AK9: variants seen among roughly 807,000 people sequenced by gnomAD.
The protein encoded by AK9 is adenylate kinase 9, also known as adenylate kinase domain containing 1.
AK9 carries 191 observed loss-of-function variants against 239.6 expected under a neutral mutation model. The ratio of observed to expected loss-of-function variants is 0.80; its 90% CI spans 0.71 to 0.90. The LOEUF is 0.90. AK9 is among the 40% of genes least tolerant of loss of function. The pLI is 0.00. For synonymous variants in AK9, 689 were observed against 721.0 expected, an observed-to-expected ratio of 0.96 and a Z score of 0.71; for missense variants, 1,995 against 2,214.7, an observed-to-expected ratio of 0.90 and a Z score of 1.99.
At chr6:109,552,510 A>AGT (rs1299174714) in intron 24 of AK9, among the ~76,000 whole-genome samples, 22 of 152,308 alleles carry the variant, frequency 1.4e-4, no homozygotes, top group Non-Finnish European at 4.4e-5. Context: ...TCTTTTGAGA[A>AGT]GTGTCTGTTC....
chr6:109,580,759 C>T (rs1788738895), intron 19 of AK9, among the ~76,000 whole-genome samples: 1 of 152,202 alleles, frequency 6.6e-6, no homozygotes, highest in African/African-American at 2.4e-5. Flanking sequence ...TTCAAGTTCT[C>T]TTTGCTCGTG....
intron 7 of AK9, among the ~76,000 whole-genome samples, chr6:109,658,388 GC>G (rs1472699974): frequency 1.3e-5 from 2 of 152,136 alleles, no homozygotes; most frequent in East Asian, 3.8e-4. Flanking sequence ...ATTCAGTGGG[GC>G]AGACAGATAA....
chr6:109,579,702 T>C (rs1788576101), intron 19 of AK9, 76 bp from the exon 20 acceptor site: 12 of 1,234,208 alleles, frequency 9.7e-6, no homozygotes, highest in Non-Finnish European at 5.6e-6. Context: ...TAAATGCTTA[T>C]AGTGTTAAAA....
intron 12 of AK9, among the ~76,000 whole-genome samples, chr6:109,623,057 C>T (rs945467666): frequency 7.9e-5 from 12 of 152,036 alleles, no homozygotes; most frequent in African/African-American, 2.9e-4. Flanking sequence ...AGGTGGTATC[C>T]TTTTGCTAAT....
At chr6:109,541,779 G>A (rs1348690152) in intron 27 of AK9, among the ~76,000 whole-genome samples, 3 of 152,304 alleles carry the variant, frequency 2.0e-5, no homozygotes, top group Middle Eastern at 3.4e-3. Context: ...TACCACAAAT[G>A]CACTTTAGAA....
chr6:109,549,659 A>ATTTTTTTTTTT (rs1562391021), intron 25 of AK9: 7 of 110,320 alleles, frequency 6.3e-5, no homozygotes, highest in Non-Finnish European at 7.4e-5. Flanking sequence ...GAACTTAGAT[A>ATTTTTTTTTTT]TTTTCTTTTT....
chr6:109,597,899 C>T (rs1426383351), intron 17 of AK9, among the ~76,000 whole-genome samples: 1 of 152,070 alleles, frequency 6.6e-6, no homozygotes, highest in Non-Finnish European at 1.5e-5. Flanking sequence ...AGTGCCTAAA[C>T]ATTTTCAATG....
rs919655852 is a variant in AK9 at position 109,533,291 on chromosome 6, T to C, written c.3530A>G (p.Glu1177Gly). 6.2e-7 allele frequency: 1 copy of C among 1,611,392 alleles called. No individual in the cohort carries two copies. Among genetic ancestry groups the C allele is most frequent in the Non-Finnish European group, 8.5e-7 (1 of 1,179,180 alleles). Residue 1177 changes from glutamate (E) to glycine (G), a missense_variant, in exon 28 of 41, where the codon GAA becomes GGA. Glu to Gly is a moderately conservative substitution (Grantham distance 98, BLOSUM62 -2). Around this residue, in one of 5 missense-constraint regions of AK9, gnomAD observed 1,290 missense variants for 1,392.7 expected, o/e 0.93. Transcript: ENST00000424296. ...KWKLKQKKKL[E>G]RKKLIKDMKA... ...CATGTCTTTGATCAGTTTCTTCCTT[T>C]CTAATTTCTTCTTTTGTTTTAGTTT...
chr6:109,677,857 T>C (rs935916245), intron 1 of AK9, among the ~76,000 whole-genome samples: 2 of 152,150 alleles, frequency 1.3e-5, no homozygotes, highest in African/African-American at 4.8e-5. Flanking sequence ...GCAATTAAAA[T>C]AATAATCAGA....
At chr6:109,566,265 G>A (rs979439959) in intron 21 of AK9, among the ~76,000 whole-genome samples, 1 of 152,102 alleles carries the variant, frequency 6.6e-6, no homozygotes, top group Non-Finnish European at 1.5e-5. Flanking sequence ...GGGGGACAGA[G>A]TTCTTATAAA....
chr6:109,601,431 G>A (rs998167831), intron 17 of AK9, among the ~76,000 whole-genome samples: 15 of 152,154 alleles, frequency 9.9e-5, no homozygotes, highest in Non-Finnish European at 1.5e-4. Context: ...ATTGCACTGT[G>A]GTCTGAGAGA....
chr6:109,611,975 T>TC, intron 16 of AK9, 35 bp downstream of exon 16: 1 of 1,380,216 alleles, frequency 7.2e-7, no homozygotes, highest in South Asian at 1.3e-5. Flanking sequence ...AGAACCACAA[T>TC]CTAAAAGAAT....
chr6:109,683,788 T>C (rs376361331), intron 1 of AK9, among the ~76,000 whole-genome samples: 1 of 152,294 alleles, frequency 6.6e-6, no homozygotes, highest in East Asian at 1.9e-4. Flanking sequence ...TGCTCATGGA[T>C]AGGAAGAATC....
At chr6:109,539,267 C>T (rs532737365) in intron 27 of AK9, among the ~76,000 whole-genome samples, 1 of 152,214 alleles carries the variant, frequency 6.6e-6, no homozygotes, top group South Asian at 2.1e-4. Context: ...GGTCTTTTCA[C>T]ATAGTCCCAT....
chr6:109,548,856 A>G (rs867985139), intron 25 of AK9, among the ~76,000 whole-genome samples: 2 of 152,302 alleles, frequency 1.3e-5, no homozygotes, highest in Non-Finnish European at 2.9e-5. Context: ...TATCAGTATG[A>G]TCCTGAAGAC....
chr6:109,514,666 C>T (rs1388107871), intron 31 of AK9, among the ~76,000 whole-genome samples: 1 of 152,094 alleles, frequency 6.6e-6, no homozygotes, highest in Non-Finnish European at 1.5e-5. Flanking sequence ...CAGTTTATGA[C>T]AATTATAGTC....
At position 109,542,041 on chromosome 6, in the gene AK9, A is replaced by C. The variant is rs2128149207; in HGVS notation, c.3350+6T>G. 1 of 1,563,618 alleles carries C rather than the reference A, an allele frequency of 6.4e-7. No homozygotes were observed. The highest frequency in any genetic ancestry group is 2.3e-5 in the East Asian group (1 of 44,362). Reference sequence around the variant, plus strand: ...TAAATGTACAATTCTATATAAATTAAGATACCGTATTGGTTCCTTAAGCCA... The same window carrying C: ...TAAATGTACAATTCTATATAAATTACGATACCGTATTGGTTCCTTAAGCCA... On this transcript the variant is annotated splice_donor_region_variant and intron_variant, in intron 27 of 40. Transcript: ENST00000424296.
intron 34 of AK9, 32 bp from the exon 35 acceptor site, chr6:109,506,579 G>T: frequency 6.5e-7 from 1 of 1,545,914 alleles, no homozygotes; most frequent in Non-Finnish European, 8.8e-7. Context: ...AATGGAAAAA[G>T]CTGTTAAAAA....
chr6:109,598,648 C>A (rs1361744408), intron 17 of AK9, among the ~76,000 whole-genome samples: 1 of 152,218 alleles, frequency 6.6e-6, no homozygotes, highest in East Asian at 1.9e-4. Flanking sequence ...GGAATCGCCA[C>A]ACTGTCTTCC....
Sources: allele counts gnomAD v4.1 joint callset (sites outside exome capture counted in the v4.1 genomes callset), GRCh38; gene constraint gnomAD v4.1.1; regional missense constraint gnomAD v4.1.1; transcripts MANE v1.5; gene names NCBI Gene and HGNC (gene_info 2026-07-23, HGNC 2026-07-21).